MEI4: variants seen among roughly 807,000 people sequenced by gnomAD.
MEI4 encodes the protein meiotic double-stranded break formation protein 4, also known as meiosis-specific protein MEI4.
In MEI4, 27 loss-of-function variants were observed where a neutral mutation model predicts 31.4. The observed-to-expected ratio is 0.86, with a 90% CI of 0.63 to 1.19. MEI4 has a LOEUF of 1.19. MEI4 is among the 50% of genes most tolerant of loss of function. MEI4 has a pLI of 0.00. For synonymous variants in MEI4, 122 were observed against 145.4 expected (o/e 0.84, Z 1.16); for missense variants, 329 against 398.9 (o/e 0.82, Z 1.49).
chr6:77,734,127 G>T (rs1332355316), intron 2 of MEI4, among the ~76,000 whole-genome samples: 1 of 151,984 alleles, frequency 6.6e-6, no homozygotes, highest in Non-Finnish European at 1.5e-5. Context: ...GGAGAGTTCT[G>T]TAGATGTCTA....
At chr6:77,803,962 A>C (rs547547724) in intron 3 of MEI4, among the ~76,000 whole-genome samples, 1 of 152,268 alleles carries the variant, frequency 6.6e-6, no homozygotes, top group Middle Eastern at 3.4e-3. Flanking sequence ...TCAGATCTCC[A>C]GTTGCGTGCT....
intron 2 of MEI4, among the ~76,000 whole-genome samples, chr6:77,759,052 G>A (rs184706566): frequency 5.7e-4 from 86 of 152,040 alleles, no homozygotes; most frequent in Non-Finnish European, 9.9e-4. Context: ...AAGCTGCTAT[G>A]AATGAGGTAA....
chr6:77,824,964 T>C (rs1282092114), intron 3 of MEI4, among the ~76,000 whole-genome samples: 2 of 152,170 alleles, frequency 1.3e-5, no homozygotes, highest in African/African-American at 4.8e-5. Flanking sequence ...CCAATCTCTA[T>C]CACTTGTTCA....
intron 3 of MEI4, among the ~76,000 whole-genome samples, chr6:77,797,429 A>G (rs1042994825): frequency 1.3e-5 from 2 of 152,166 alleles, no homozygotes; most frequent in Non-Finnish European, 2.9e-5. Context: ...TTGCAAATTT[A>G]TTAAGGAGAA....
chr6:77,838,748 A>G (rs1770284538), intron 4 of MEI4, among the ~76,000 whole-genome samples: 1 of 151,916 alleles, frequency 6.6e-6, no homozygotes, highest in Non-Finnish European at 1.5e-5. Flanking sequence ...CTAAAAATAC[A>G]AAAAAATTAG....
chr6:77,875,904 C>G lies in MEI4; in HGVS notation c.900+46842C>G, dbSNP rs1771323223. On this transcript the variant is annotated intron_variant, in intron 4 of 4. Coordinates refer to ENST00000684080, the MANE Select transcript of MEI4 (RefSeq NM_001322247.2). ...TGAGTTGAAGTCTTTATTTTTTTGA[C>G]AAAGAAATTGTAATCCAGAGAGATT... Among the ~76,000 whole-genome samples, 3 of 152,084 alleles carry G rather than the reference C, an allele frequency of 2.0e-5. No individual in the cohort carries two copies. In the South Asian group the frequency reaches 6.2e-4, roughly 32 times the overall value.
chr6:77,750,666 T>C (rs1040863544), intron 2 of MEI4, among the ~76,000 whole-genome samples: 3 of 152,078 alleles, frequency 2.0e-5, no homozygotes, highest in African/African-American at 7.2e-5. Context: ...CACACAATAA[T>C]ATTGGGAGAC....
intron 2 of MEI4, among the ~76,000 whole-genome samples, chr6:77,695,385 T>C: frequency 6.6e-6 from 1 of 152,358 alleles, no homozygotes; most frequent in East Asian, 1.9e-4. Context: ...TCTAGGGTTT[T>C]TATGGTATTA....
At chr6:77,795,956 A>G (rs1257764848) in intron 3 of MEI4, among the ~76,000 whole-genome samples, 2 of 152,164 alleles carry the variant, frequency 1.3e-5, no homozygotes, top group Non-Finnish European at 2.9e-5. Context: ...AGTACAAGAA[A>G]AGGAAGTACT....
At chr6:77,744,123 G>T (rs1040596389) in intron 2 of MEI4, among the ~76,000 whole-genome samples, 1 of 152,228 alleles carries the variant, frequency 6.6e-6, no homozygotes, top group African/African-American at 2.4e-5. Context: ...GATGGAGAAT[G>T]ACTTTGACGA....
intron 4 of MEI4, among the ~76,000 whole-genome samples, chr6:77,876,349 T>G (rs1259642385): frequency 2.0e-5 from 3 of 152,160 alleles, no homozygotes; most frequent in Non-Finnish European, 4.4e-5. Context: ...ATAGGTTAAT[T>G]ATCATAGGAG....
At chr6:77,744,674 C>G (rs948210426) in intron 2 of MEI4, among the ~76,000 whole-genome samples, 9 of 152,140 alleles carry the variant, frequency 5.9e-5, no homozygotes, top group Admixed American at 2.6e-4. Context: ...TTGTCAGATT[C>G]ACCAAAGTTG....
chr6:77,753,132 C>G (rs951076082), intron 2 of MEI4, among the ~76,000 whole-genome samples: 1 of 152,082 alleles, frequency 6.6e-6, no homozygotes, highest in African/African-American at 2.4e-5. Context: ...AATGTAAGAC[C>G]TAAAACCATA....
At chr6:77,880,396 A>T (rs1771455989) in intron 4 of MEI4, among the ~76,000 whole-genome samples, 1 of 151,978 alleles carries the variant, frequency 6.6e-6, no homozygotes. Flanking sequence ...ACGCCTGGCT[A>T]ATTTTTTTGT....
intron 3 of MEI4, among the ~76,000 whole-genome samples, chr6:77,777,922 T>G (rs1768495633): frequency 6.6e-6 from 1 of 151,878 alleles, no homozygotes. Flanking sequence ...TGAAAACACA[T>G]AAATTAATAA....
chr6:77,858,865 A>G (rs1770799423), intron 4 of MEI4, among the ~76,000 whole-genome samples: 2 of 150,166 alleles, frequency 1.3e-5, no homozygotes, highest in African/African-American at 4.9e-5. Context: ...CCTTTAATGG[A>G]AAAAAAATAA....
rs1013839115 is a variant in MEI4, at chr6:77,924,632, G to A, written c.*1286G>A. 3 of 151,808 alleles carry A rather than the reference G, an allele frequency of 2.0e-5. No homozygotes were observed. The highest frequency in any genetic ancestry group is 7.3e-5 in the African/African-American group (3 of 41,374). 9.4% of individuals were successfully genotyped at this position (151,808 alleles called of 1,614,324 possible). On this transcript the variant is annotated 3_prime_UTR_variant, in exon 5 of 5. Transcript: ENST00000684080. The stretch of plus-strand genomic sequence containing the variant: ...GGAATAGGCTTCTTGCTAAAAGTCA[G>A]GCTTTCTTCTCTTCCACATGTGCAT...
Position 77,696,434 on chromosome 6 carries a change from G to A in MEI4, c.232+5531G>A, listed in dbSNP as rs142068517. Among the ~76,000 whole-genome samples, 575 of 152,220 alleles carry A rather than the reference G, an allele frequency of 3.8e-3. 3 individuals are homozygous for A. Among genetic ancestry groups the A allele is most frequent in the African/African-American group, 0.013 (559 of 41,528 alleles). On this transcript the variant is annotated intron_variant, in intron 2 of 4. Transcript: ENST00000684080. ...GACAGCTCTTATTATTTTGAGGTAC[G>A]TCCCATCAATACCTAATTTATTGAG...
At chr6:77,917,713 A>G (rs1766595650) in intron 4 of MEI4, among the ~76,000 whole-genome samples, 1 of 145,384 alleles carries the variant, frequency 6.9e-6, no homozygotes, top group Non-Finnish European at 1.5e-5. Context: ...CCCATTTTGT[A>G]GGTTGCCTGT....
Sources: gnomAD v4.1 joint callset for allele counts (sites outside exome capture counted in the v4.1 genomes callset) on GRCh38, gnomAD v4.1.1 for gene constraint, MANE v1.5 for transcripts, NCBI Gene and HGNC (gene_info 2026-07-23, HGNC 2026-07-21) for gene names.